The following CCDC146 variants were observed in gnomAD, a reference collection of about 807,000 sequenced individuals.
The protein encoded by CCDC146 is coiled-coil domain-containing protein 146.
CCDC146 carries 92 observed loss-of-function variants against 119.3 expected under a neutral mutation model. That is an observed-to-expected ratio of 0.77 (90% confidence interval 0.65 to 0.92). The LOEUF (loss-of-function observed/expected upper bound fraction) is 0.92. Ranked by LOEUF, CCDC146 falls within the 40% of genes least tolerant of loss-of-function variation. The pLI, the probability that CCDC146 is intolerant of heterozygous loss-of-function variation, is 0.00. For synonymous variants in CCDC146, 372 were observed against 371.8 expected, an observed-to-expected ratio of 1.00 and a Z score of -0.01; for missense variants, 1,000 against 1,103.0, an observed-to-expected ratio of 0.91 and a Z score of 1.32.
At chr7:77,131,184 G>A (rs530841901) in intron 1 of CCDC146, among the ~76,000 whole-genome samples, 1 of 152,050 alleles carries the variant, frequency 6.6e-6, no homozygotes, top group South Asian at 2.1e-4. Flanking sequence ...TAGTCAAATT[G>A]TCCATCTTAA....
chr7:77,280,735 A>T, intron 14 of CCDC146, 82 bp downstream of exon 14: 1 of 909,044 alleles, frequency 1.1e-6, no homozygotes, highest in Non-Finnish European at 1.7e-6. Context: ...TTGACAGTGA[A>T]TAGTGAGGGA....
chr7:77,176,532 G>A (rs1342076266), intron 2 of CCDC146, among the ~76,000 whole-genome samples: 1 of 151,984 alleles, frequency 6.6e-6, no homozygotes, highest in Non-Finnish European at 1.5e-5. Context: ...CAGGTCTGAA[G>A]GGAATGTCCG....
rs868319112 is a variant in CCDC146 at position 77,243,564 on chromosome 7, A to G, written c.449+1664A>G. 2.6e-5 allele frequency among the ~76,000 whole-genome samples: 4 copies of G among 152,324 alleles called. No individual in the cohort carries two copies. In the South Asian group the frequency reaches 8.3e-4, roughly 32 times the overall value. ...ATAATGGTGTTTCAGTCAACAATGG[A>G]CTGTCTATATGGTGGTGGTCCCGTA... On this transcript the variant is annotated intron_variant, in intron 4 of 18. Coordinates refer to ENST00000285871, the MANE Select transcript of CCDC146 (RefSeq NM_020879.3).
chr7:77,259,114 T>C, intron 7 of CCDC146, 46 bp downstream of exon 7: 1 of 1,099,748 alleles, frequency 9.1e-7, no homozygotes, highest in East Asian at 2.7e-5. Flanking sequence ...GTCCAAGTTA[T>C]GTGTGCACAC....
chr7:77,214,385 T>C (rs1310722756), intron 2 of CCDC146, among the ~76,000 whole-genome samples: 1 of 152,210 alleles, frequency 6.6e-6, no homozygotes, highest in Admixed American at 6.5e-5. Flanking sequence ...AAATATTTTC[T>C]CCCATTCTGT....
At chr7:77,258,886 G>T in intron 6 of CCDC146, 109 bp from the exon 7 acceptor site, 1 of 702,798 alleles carries the variant, frequency 1.4e-6, no homozygotes, top group Non-Finnish European at 2.5e-6. Flanking sequence ...AGGGCAGATG[G>T]TAAGTATCTA....
intron 3 of CCDC146, among the ~76,000 whole-genome samples, chr7:77,238,027 T>C (rs1346007983): frequency 1.3e-5 from 2 of 152,168 alleles, no homozygotes; most frequent in African/African-American, 2.4e-5. Flanking sequence ...TGCCCAGAGA[T>C]ATTTGGCTAC....
In CCDC146 at chr7:77,192,840, G is replaced by A. The variant is rs755180792; in HGVS notation, c.156+25016G>A. Among the ~76,000 whole-genome samples, 23 of 152,120 alleles carry A rather than the reference G, an allele frequency of 1.5e-4. No individual in the cohort carries two copies. In the East Asian group the frequency reaches 2.1e-3, roughly 14 times the overall value. ...CAGGAGGCTGAGAGAGGAGAATGGC[G>A]TGAACCCAGGAGGCAGAGGTTGCAG... On this transcript the variant is annotated intron_variant, in intron 2 of 18. Coordinates refer to ENST00000285871, the MANE Select transcript of CCDC146 (RefSeq NM_020879.3).
intron 17 of CCDC146, among the ~76,000 whole-genome samples, 169 bp from the exon 18 acceptor site, chr7:77,292,783 G>C (rs951471223): frequency 5.9e-5 from 9 of 151,786 alleles, no homozygotes; most frequent in African/African-American, 1.9e-4. Context: ...CAGGGTGTTC[G>C]GCTCAATATC....
At chr7:77,242,944 G>C (rs1792877573) in intron 4 of CCDC146, among the ~76,000 whole-genome samples, 1 of 152,100 alleles carries the variant, frequency 6.6e-6, no homozygotes, top group African/African-American at 2.4e-5. Context: ...TCCTATTCAG[G>C]GGGGAAAATT....
chr7:77,185,937 A>G (rs1420702581), intron 2 of CCDC146, among the ~76,000 whole-genome samples: 1 of 152,234 alleles, frequency 6.6e-6, no homozygotes, highest in Non-Finnish European at 1.5e-5. Flanking sequence ...CAAAACTCCA[A>G]CGAGATATCA....
At chr7:77,287,401 C>CG (rs1554362963) in intron 16 of CCDC146, 39 bp from the exon 17 acceptor site, 2 of 1,590,162 alleles carry the variant, frequency 1.3e-6, no homozygotes, top group East Asian at 2.3e-5. Flanking sequence ...TCTTAGATGA[C>CG]TTTTTTTTTA....
intron 9 of CCDC146, among the ~76,000 whole-genome samples, chr7:77,264,411 C>T (rs757356758): frequency 1.3e-5 from 2 of 152,178 alleles, no homozygotes; most frequent in African/African-American, 2.4e-5. Flanking sequence ...GCATGTGCCA[C>T]CAATACACAG....
intron 1 of CCDC146, among the ~76,000 whole-genome samples, chr7:77,146,300 A>G (rs1163456437): frequency 6.6e-6 from 1 of 152,046 alleles, no homozygotes; most frequent in Non-Finnish European, 1.5e-5. Flanking sequence ...TTTTGAGCCT[A>G]TGTGTGTCTC....
At chr7:77,274,198 T>C (rs1793581085) in intron 10 of CCDC146, among the ~76,000 whole-genome samples, 1 of 152,214 alleles carries the variant, frequency 6.6e-6, no homozygotes, top group South Asian at 2.1e-4. Context: ...TTTTACAAAA[T>C]GAAAACAATG....
chr7:77,288,535 ATTCATGCGAGGCCT>A (rs1793888786), intron 17 of CCDC146, among the ~76,000 whole-genome samples: 2 of 152,242 alleles, frequency 1.3e-5, no homozygotes, highest in Admixed American at 6.5e-5. Context: ...ACACAAGACC[ATTCATGCGAGGCCT>A]TTCATGCATA....
chr7:77,146,724 G>A (rs991956995), intron 1 of CCDC146, among the ~76,000 whole-genome samples: 2 of 152,214 alleles, frequency 1.3e-5, no homozygotes, highest in Non-Finnish European at 2.9e-5. Flanking sequence ...CTTTAAGAAT[G>A]TTGAATATTG....
chr7:77,147,034 C>G (rs754437096), intron 1 of CCDC146, among the ~76,000 whole-genome samples: 5 of 152,322 alleles, frequency 3.3e-5, no homozygotes, highest in Middle Eastern at 3.4e-3. Flanking sequence ...CTCCCCGTCA[C>G]TTTAAGCTAC....
intron 4 of CCDC146, among the ~76,000 whole-genome samples, chr7:77,242,975 A>G (rs1033314449): frequency 1.3e-5 from 2 of 152,176 alleles, no homozygotes; most frequent in Admixed American, 6.5e-5. Context: ...TTGTCTTTCA[A>G]TCTAAACTTG....
Sources: gnomAD v4.1 joint callset for allele counts (sites outside exome capture counted in the v4.1 genomes callset) on GRCh38, gnomAD v4.1.1 for gene constraint, MANE v1.5 for transcripts, NCBI Gene and HGNC (gene_info 2026-07-23, HGNC 2026-07-21) for gene names.